Variants in TADA2A observed in about 807,000 individuals in gnomAD.
The protein encoded by TADA2A is transcriptional adaptor 2A, also known as transcriptional adapter 2-alpha.
Under a neutral mutation model 67.4 loss-of-function variants are expected in TADA2A, and 38 were observed. The observed-to-expected ratio is 0.56, with a 90% confidence interval of 0.44 to 0.74. The LOEUF is 0.74. Ranked by LOEUF, TADA2A falls within the 30% of genes least tolerant of loss-of-function variation. The pLI is 0.00. For missense variants in TADA2A, 454 were observed against 547.0 expected (o/e 0.83, Z 1.70); for synonymous variants, 192 against 181.6 (o/e 1.06, Z -0.46).
At chr17:37,419,524 A>G (rs369172078) in intron 2 of TADA2A, among the ~76,000 whole-genome samples, 1 of 146,662 alleles carries the variant, frequency 6.8e-6, no homozygotes, top group Admixed American at 6.9e-5. Flanking sequence ...TGGGCCTGCA[A>G]TCCTAGCACT....
intron 5 of TADA2A, 149 bp from the exon 6 acceptor site, chr17:37,440,355 AT>A: frequency 1.1e-6 from 1 of 914,408 alleles, no homozygotes; most frequent in South Asian, 1.9e-5. Flanking sequence ...TATTTATGTC[AT>A]TTTTCTGCTG....
chr17:37,429,746 A>G (rs1052863175), intron 4 of TADA2A, among the ~76,000 whole-genome samples: 2 of 152,234 alleles, frequency 1.3e-5, no homozygotes, highest in African/African-American at 4.8e-5. Flanking sequence ...ATTCTAGGCC[A>G]CAATGAATTA....
intron 15 of TADA2A, among the ~76,000 whole-genome samples, chr17:37,475,383 GGC>G (rs2053872247): frequency 6.6e-6 from 1 of 151,834 alleles, no homozygotes; most frequent in Non-Finnish European, 1.5e-5. Context: ...TCACCATGTT[GGC>G]CAGGCTGATC....
intron 4 of TADA2A, among the ~76,000 whole-genome samples, chr17:37,428,395 T>C (rs1449491799): frequency 6.6e-6 from 1 of 152,188 alleles, no homozygotes; most frequent in Non-Finnish European, 1.5e-5. Flanking sequence ...GATGCCACTG[T>C]TTTGATCAGG....
intron 3 of TADA2A, chr17:37,426,665 G>A (rs853218): frequency 0.53 from 65,600 of 123,870 alleles, 17,190 homozygotes; most frequent in East Asian, 0.82. Flanking sequence ...CTCCGTCTCA[G>A]AAAAAAAAAA....
At chr17:37,458,458 GT>G in intron 8 of TADA2A, 65 bp from the exon 9 acceptor site, 1 of 1,106,364 alleles carries the variant, frequency 9.0e-7, no homozygotes, top group East Asian at 3.6e-5. Context: ...TTTTGTCTTG[GT>G]TTTATTTATT....
At chr17:37,464,525 C>T (rs2053617531) in intron 10 of TADA2A, among the ~76,000 whole-genome samples, 1 of 152,122 alleles carries the variant, frequency 6.6e-6, no homozygotes, top group African/African-American at 2.4e-5. Context: ...GCCAGCAGTT[C>T]CTGCCCCTGT....
intron 1 of TADA2A, among the ~76,000 whole-genome samples, chr17:37,410,372 C>A (rs924181025): frequency 6.6e-6 from 1 of 150,992 alleles, no homozygotes; most frequent in Non-Finnish European, 1.5e-5. Context: ...GATGGGGTCT[C>A]CCTATGTTGC....
intron 9 of TADA2A, among the ~76,000 whole-genome samples, 153 bp downstream of exon 9, chr17:37,458,740 A>T (rs1423975293): frequency 6.6e-6 from 1 of 151,894 alleles, no homozygotes; most frequent in East Asian, 1.9e-4. Flanking sequence ...GCAGCAGCAC[A>T]ATAATGGCTC....
rs146221612 is a variant in TADA2A at position 37,471,726 on chromosome 17, G to A, written c.1072+589G>A. Among the ~76,000 whole-genome samples the A allele has an allele frequency of 5.9e-3, 895 of 152,070 alleles. 17 individuals carry two copies. The East Asian group carries it at 0.065, about 11-fold the overall frequency. ...TTGCCATGTTGGCCAGGCTGGTCTC[G>A]AACTCCTGACCTCAAGTGAGGCACC... On this transcript the variant is annotated intron_variant, in intron 14 of 15. Coordinates refer to ENST00000615182, the MANE Select transcript of TADA2A (RefSeq NM_001166105.3).
At chr17:37,434,593 CT>C (rs1453963383) in intron 4 of TADA2A, among the ~76,000 whole-genome samples, 1 of 152,202 alleles carries the variant, frequency 6.6e-6, no homozygotes, top group Non-Finnish European at 1.5e-5. Flanking sequence ...TTAATGACTA[CT>C]TCAGATTCAT....
At chr17:37,466,238 T>C (rs1472569542) in intron 11 of TADA2A, among the ~76,000 whole-genome samples, 1 of 152,084 alleles carries the variant, frequency 6.6e-6, no homozygotes, top group East Asian at 1.9e-4. Flanking sequence ...CTGGGCAACA[T>C]AGTAAAACTC....
chr17:37,426,115 A>G (rs141600643), intron 3 of TADA2A, among the ~76,000 whole-genome samples: 2 of 152,102 alleles, frequency 1.3e-5, no homozygotes, highest in African/African-American at 2.4e-5. Flanking sequence ...AACTAGGTCT[A>G]TGGGCACAAG....
In TADA2A at chr17:37,442,657, G is replaced by A; in HGVS notation, c.531+5G>A. ...GCTCGAGCAGATTTCATTGAGGTAG[G>A]ATAAATGTGTTTTTAGCACAAAGTA... On this transcript the variant is annotated splice_donor_5th_base_variant and intron_variant, in intron 7 of 15. Coordinates refer to ENST00000615182, the MANE Select transcript of TADA2A (RefSeq NM_001166105.3). The A allele has an allele frequency of 6.2e-7, 1 of 1,612,568 alleles. No individual in the cohort carries two copies. The highest frequency in any genetic ancestry group is 8.5e-7 in the Non-Finnish European group (1 of 1,179,408).
chr17:37,443,153 C>A (rs546559403), intron 7 of TADA2A, among the ~76,000 whole-genome samples: 1 of 152,032 alleles, frequency 6.6e-6, no homozygotes, highest in East Asian at 1.9e-4. Flanking sequence ...CAGAGTAAGA[C>A]CCTGTCTCCA....
intron 8 of TADA2A, chr17:37,454,731 C>G (rs574018451): frequency 1.1e-4 from 37 of 348,794 alleles, no homozygotes; most frequent in African/African-American, 7.6e-4. Context: ...ATTACTGGTG[C>G]ATCTCTTGCT....
At chr17:37,425,033 C>G (rs781410785) in intron 3 of TADA2A, among the ~76,000 whole-genome samples, 3 of 151,926 alleles carry the variant, frequency 2.0e-5, no homozygotes, top group Admixed American at 1.3e-4. Context: ...GTGCATGCCA[C>G]CATTCCCAGC....
intron 7 of TADA2A, 61 bp from the exon 8 acceptor site, chr17:37,444,635 G>A (rs1260093387): frequency 5.7e-6 from 8 of 1,397,052 alleles, no homozygotes; most frequent in African/African-American, 1.4e-5. Flanking sequence ...CATGGCTGCT[G>A]TAAAGACACT....
At position 37,426,970 on chromosome 17, in the gene TADA2A, G is replaced by T; in HGVS notation, c.153G>T (p.Glu51Asp). The change falls in exon 4 of 16, where the codon GAG becomes GAT. Residue 51 changes from glutamate (E) to aspartate (D), a missense_variant. Physicochemically the swap from Glu to Asp is conservative, Grantham distance 45 (BLOSUM62 2). Coordinates refer to ENST00000615182, the MANE Select transcript of TADA2A (RefSeq NM_001166105.3). Reference protein sequence around the residue: ...LCLQCFTRGFEYKKHQSDHTY... With the variant: ...LCLQCFTRGFDYKKHQSDHTY... ...TGCAGTGTTTCACTCGAGGCTTTGA[G>T]TACAAGAAACATCAAAGCGATCATA... 1 of 1,596,670 alleles carries T rather than the reference G, an allele frequency of 6.3e-7. No homozygotes were observed. The highest frequency in any genetic ancestry group is 8.5e-7 in the Non-Finnish European group (1 of 1,175,214).
Sources: allele counts gnomAD v4.1 joint callset (sites outside exome capture counted in the v4.1 genomes callset), GRCh38; gene constraint gnomAD v4.1.1; transcripts MANE v1.5; gene names NCBI Gene and HGNC (gene_info 2026-07-23, HGNC 2026-07-21).